Variants in TSPAN7 observed in about 807,000 individuals in gnomAD.
The protein encoded by TSPAN7 is tetraspanin 7.
A neutral mutation model predicts 17.6 loss-of-function variants in TSPAN7; 1 was observed. The ratio of observed to expected loss-of-function variants is 0.06; its 90% confidence interval spans 0.02 to 0.27. The LOEUF (loss-of-function observed/expected upper bound fraction) is 0.27. Among genes scored for constraint, TSPAN7 ranks in the 10% least tolerant of loss-of-function variants. The probability of loss-of-function intolerance (pLI) is 1.00; values close to 1 mark genes in which losing one functional copy is unlikely to be tolerated. For missense variants in TSPAN7, 112 were observed against 201.7 expected, an observed-to-expected ratio of 0.56 and a Z score of 2.69; for synonymous variants, 78 against 79.0, an observed-to-expected ratio of 0.99 and a Z score of 0.07.
intron 1 of TSPAN7, among the ~76,000 whole-genome samples, chrX:38,578,198 A>G (rs1262585387): frequency 1.8e-5 from 2 of 111,725 alleles, no homozygotes; most frequent in Non-Finnish European, 3.8e-5. Context: ...TAAGAGGCAT[A>G]AGATAGTAAA....
intron 1 of TSPAN7, among the ~76,000 whole-genome samples, chrX:38,579,507 A>T (rs2069215940): frequency 9.0e-6 from 1 of 110,869 alleles, no homozygotes. Flanking sequence ...AATCACTTGA[A>T]CCTTGGAGGC....
intron 1 of TSPAN7, among the ~76,000 whole-genome samples, chrX:38,658,184 A>G (rs756390389): frequency 1.3e-4 from 14 of 110,651 alleles, no homozygotes; most frequent in Non-Finnish European, 2.5e-4. Flanking sequence ...TGTTTCCCAT[A>G]AGTCTTTTTT....
intron 1 of TSPAN7, among the ~76,000 whole-genome samples, chrX:38,578,055 C>T (rs2069206381): frequency 9.0e-6 from 1 of 110,606 alleles, no homozygotes; most frequent in Non-Finnish European, 1.9e-5. Context: ...CTCATTTCCT[C>T]CTCTCTTAAA....
chrX:38,600,230 A>G (rs1483889382), intron 1 of TSPAN7, among the ~76,000 whole-genome samples: 8 of 111,437 alleles, frequency 7.2e-5, no homozygotes, highest in African/African-American at 2.3e-4. Context: ...CTCCTTGGTG[A>G]TATGTGACCG....
chrX:38,564,988 C>A (rs756401668), intron 1 of TSPAN7, among the ~76,000 whole-genome samples: 1 of 109,035 alleles, frequency 9.2e-6, no homozygotes, highest in Non-Finnish European at 1.9e-5. Context: ...CCTATTTTTT[C>A]TTTTTTTTTG....
chrX:38,673,230 T>C (rs1277553234), intron 3 of TSPAN7, among the ~76,000 whole-genome samples: 2 of 111,722 alleles, frequency 1.8e-5, no homozygotes, highest in Admixed American at 9.5e-5. Flanking sequence ...ATTTTACCAA[T>C]TGGGGGTCAG....
intron 1 of TSPAN7, among the ~76,000 whole-genome samples, chrX:38,608,936 C>T (rs2069401511): frequency 8.9e-6 from 1 of 112,061 alleles, no homozygotes; most frequent in Non-Finnish European, 1.9e-5. Context: ...GAATATACCA[C>T]CCTCTAGGTA....
rs72620798 is a variant in TSPAN7 at position 38,659,979 on chromosome X, A to G, written c.82-6142A>G. ...GTAGCTGGGATTACAGGCACGCACC[A>G]CCACAGCCGGCTAATTTTTGTATTT... is the stretch of plus-strand genomic sequence containing the variant. On this transcript the variant is annotated intron_variant, in intron 1 of 7. Transcript: ENST00000378482. 9.2e-4 allele frequency among the ~76,000 whole-genome samples: 99 copies of G among 107,658 alleles called. 1 individual carries two copies. In the East Asian group the frequency reaches 0.028, roughly 31 times the overall value. 93.5% of individuals were successfully genotyped at this position (107,658 alleles called of 115,157 possible).
chrX:38,681,340 C>A, intron 6 of TSPAN7, 53 bp downstream of exon 6: 2 of 1,040,437 alleles, frequency 1.9e-6, no homozygotes, highest in Non-Finnish European at 2.7e-6. Context: ...TGCCTCCCTC[C>A]CTGGCCTCCA....
At chrX:38,666,597 C>CTT (rs145226240) in intron 2 of TSPAN7, among the ~76,000 whole-genome samples, 1 of 94,884 alleles carries the variant, frequency 1.1e-5, no homozygotes, top group Non-Finnish European at 2.1e-5. Flanking sequence ...TGTTTCTTTT[C>CTT]TTTTTTTTTT....
Position 38,639,610 on chromosome X carries a change from C to T in TSPAN7, c.82-26511C>T, listed in dbSNP as rs187614319. Among the ~76,000 whole-genome samples the T allele has an allele frequency of 5.0e-4, 53 of 105,923 alleles. 1 individual carries two copies. The Admixed American group carries it at 5.1e-3, about 10-fold the overall frequency. 92.0% of individuals were successfully genotyped at this position (105,923 alleles called of 115,157 possible). A position where few individuals can be genotyped will look rare whatever the true frequency, so the allele number is the denominator to read the frequency against. ...ACTCTTGTGGCACATGGTTGTCTCT[C>T]TCTTGGCACATCACATTCTGCCACA... On this transcript the variant is annotated intron_variant, in intron 1 of 7. Coordinates refer to ENST00000378482, the MANE Select transcript of TSPAN7 (RefSeq NM_004615.4).
chrX:38,643,455 C>A (rs1005186242), intron 1 of TSPAN7, among the ~76,000 whole-genome samples: 11 of 109,943 alleles, frequency 1.0e-4, no homozygotes, highest in Admixed American at 9.7e-5. Flanking sequence ...CTAAGAAAAG[C>A]AAAATTGTTA....
At chrX:38,610,025 A>G (rs1254152128) in intron 1 of TSPAN7, among the ~76,000 whole-genome samples, 1 of 111,601 alleles carries the variant, frequency 9.0e-6, no homozygotes, top group East Asian at 2.8e-4. Flanking sequence ...TTTTTGTACT[A>G]AAAATGTACG....
At chrX:38,566,980 A>T (rs2069146697) in intron 1 of TSPAN7, among the ~76,000 whole-genome samples, 1 of 112,158 alleles carries the variant, frequency 8.9e-6, no homozygotes, top group Admixed American at 9.5e-5. Flanking sequence ...TTATCTAAGG[A>T]GGTAATTAGC....
chrX:38,617,056 C>G (rs1400340648), intron 1 of TSPAN7, among the ~76,000 whole-genome samples: 2 of 111,872 alleles, frequency 1.8e-5, no homozygotes, highest in Non-Finnish European at 1.9e-5. Context: ...GTCACAACTA[C>G]TCCACTGCGG....
chrX:38,597,967 G>A, intron 1 of TSPAN7, among the ~76,000 whole-genome samples: 1 of 111,345 alleles, frequency 9.0e-6, no homozygotes, highest in Non-Finnish European at 1.9e-5. Flanking sequence ...TCTTCCTATG[G>A]GCAACTTTTT....
chrX:38,666,377 G>A, intron 2 of TSPAN7, 68 bp downstream of exon 2: 1 of 1,097,776 alleles, frequency 9.1e-7, no homozygotes, highest in Non-Finnish European at 1.3e-6. Context: ...TTACATGGAG[G>A]TGAAGTGGTT....
rs1049394723 is a variant in TSPAN7 at position 38,669,668 on chromosome X, T to G, written c.271-1708T>G. 1.2e-4 allele frequency among the ~76,000 whole-genome samples: 14 copies of G among 112,335 alleles called. No homozygotes were observed. The East Asian group carries it at 3.9e-3, about 31-fold the overall frequency. ...TGAGAGCGGAAGTCACTTGATTAAC[T>G]GTCAGTCTAGAATTTTGCAGTCCTT... On this transcript the variant is annotated intron_variant, in intron 2 of 7. Coordinates refer to ENST00000378482, the MANE Select transcript of TSPAN7 (RefSeq NM_004615.4).
chrX:38,642,001 A>T (rs1202105210), intron 1 of TSPAN7, among the ~76,000 whole-genome samples: 2 of 111,674 alleles, frequency 1.8e-5, no homozygotes, highest in Non-Finnish European at 3.8e-5. Flanking sequence ...AGGTACAAAG[A>T]GCTCTCCTCC....
Sources: allele counts gnomAD v4.1 joint callset (sites outside exome capture counted in the v4.1 genomes callset), GRCh38; gene constraint gnomAD v4.1.1; transcripts MANE v1.5; gene names NCBI Gene and HGNC (gene_info 2026-07-23, HGNC 2026-07-21).